LSS: variants seen among roughly 807,000 people sequenced by gnomAD.
LSS encodes lanosterol synthase, also known as 2,3-epoxysqualene-lanosterol cyclase.
LSS carries 90 observed loss-of-function variants against 110.3 expected under a neutral mutation model. The ratio of observed to expected loss-of-function variants is 0.82; its 90% confidence interval spans 0.69 to 0.97. The LOEUF (loss-of-function observed/expected upper bound fraction) is 0.97. LSS is among the 50% of genes least tolerant of loss of function. The pLI, the probability that LSS is intolerant of heterozygous loss-of-function variation, is 0.00. For missense variants in LSS, 927 were observed against 990.0 expected (o/e 0.94, Z 0.85); for synonymous variants, 433 against 400.0 (o/e 1.08, Z -0.98).
At chr21:46,196,827 G>A (rs564417805) in intron 17 of LSS, among the ~76,000 whole-genome samples, 78 of 152,364 alleles carry the variant, frequency 5.1e-4, no homozygotes, top group African/African-American at 1.8e-3. Flanking sequence ...CTCCCATGGT[G>A]CTAGCAGACT....
chr21:46,210,185 C>A (rs1025245097), intron 12 of LSS, among the ~76,000 whole-genome samples: 1 of 151,536 alleles, frequency 6.6e-6, no homozygotes, highest in Admixed American at 6.6e-5. Flanking sequence ...TCTGCCTCAG[C>A]CTCCCAAGTA....
chr21:46,199,631 G>C (rs992016478), intron 17 of LSS, among the ~76,000 whole-genome samples: 1 of 152,184 alleles, frequency 6.6e-6, no homozygotes, highest in South Asian at 2.1e-4. Flanking sequence ...TGAATAAACT[G>C]TGGTACATCC....
At chr21:46,228,013 A>T (rs1435746774) in intron 2 of LSS, among the ~76,000 whole-genome samples, 8 of 152,150 alleles carry the variant, frequency 5.3e-5, no homozygotes, top group Non-Finnish European at 4.4e-5. Context: ...GGGCCTCTCA[A>T]AGAGGGCCCA....
At chr21:46,192,241 C>T in intron 20 of LSS, 1 of 542,268 alleles carries the variant, frequency 1.8e-6, no homozygotes. Context: ...GGACGCCAAG[C>T]CTTGTTCCCA....
rs2277823 is a variant in LSS, at chr21:46,194,721, T to C, written c.1818-60A>G. 5,018 of 1,540,116 alleles carry C rather than the reference T, an allele frequency of 3.3e-3. 236 individuals carry two copies. In the East Asian group the frequency reaches 0.088, roughly 27 times the overall value. ...CAAGGAAGGTCCCAGACCCCTGGCT[T>C]CTCACCCCAGCAGGCTGCCTTGGGG... On this transcript the variant is annotated intron_variant, in intron 19 of 21. Transcript: ENST00000397728.
intron 20 of LSS, chr21:46,193,241 T>C (rs1439493031): frequency 2.7e-6 from 1 of 376,922 alleles, no homozygotes; most frequent in Admixed American, 2.8e-5. Context: ...TAGGTGCCTG[T>C]GCATGCGTAT....
At chr21:46,197,551 T>G (rs1002453931) in intron 17 of LSS, among the ~76,000 whole-genome samples, 20 of 152,150 alleles carry the variant, frequency 1.3e-4, no homozygotes, top group African/African-American at 4.3e-4. Flanking sequence ...AAGTGAAAAT[T>G]TCAGGCTCAC....
chr21:46,207,643 C>A, intron 14 of LSS, 66 bp from the exon 15 acceptor site: 1 of 1,523,318 alleles, frequency 6.6e-7, no homozygotes, highest in Non-Finnish European at 8.9e-7. Flanking sequence ...AACCTCCCCA[C>A]AGCCGCACGC....
At chr21:46,228,239 G>A (rs990271638) in intron 2 of LSS, among the ~76,000 whole-genome samples, 195 bp downstream of exon 2, 1 of 152,226 alleles carries the variant, frequency 6.6e-6, no homozygotes, top group Non-Finnish European at 1.5e-5. Context: ...AAAACATTAG[G>A]AGTCTCCTAT....
Position 46,195,899 on chromosome 21 carries a change from C to G in LSS, c.1737-143G>C, listed in dbSNP as rs1190047204. The G allele has an allele frequency of 4.3e-6, 3 of 698,932 alleles. No individual in the cohort carries two copies. The African/African-American group carries it at 5.2e-5, about 12-fold the overall frequency. 43.3% of individuals were successfully genotyped at this position (698,932 alleles called of 1,614,324 possible). A position where few individuals can be genotyped will look rare whatever the true frequency, so the allele number is the denominator to read the frequency against. The stretch of plus-strand genomic sequence containing the variant: ...CAGGCATTAAGGCCGTGGAAGACAG[C>G]AGCTCTGTCTGCTGGACCCTAAGAG... On this transcript the variant is annotated intron_variant, in intron 18 of 21. Coordinates refer to ENST00000397728, the MANE Select transcript of LSS (RefSeq NM_002340.6).
chr21:46,195,059 TC>T (rs1307859491), intron 19 of LSS, among the ~76,000 whole-genome samples: 1 of 151,596 alleles, frequency 6.6e-6, no homozygotes, highest in African/African-American at 2.4e-5. Context: ...TGGGAGAGAG[TC>T]CGGCGGCTGG....
chr21:46,220,092 A>G (rs1011004454), intron 5 of LSS, among the ~76,000 whole-genome samples: 3 of 152,186 alleles, frequency 2.0e-5, no homozygotes, highest in African/African-American at 7.2e-5. Flanking sequence ...CGCTGGCCCC[A>G]TGCCAGAGCC....
At chr21:46,206,807 C>A in intron 15 of LSS, 39 bp from the exon 16 acceptor site, 2 of 1,514,616 alleles carry the variant, frequency 1.3e-6, no homozygotes, top group Non-Finnish European at 1.8e-6. Flanking sequence ...CGCCCATGTG[C>A]TGAGCACACA....
At chr21:46,222,379 C>T (rs2080289348) in intron 4 of LSS, 2 of 558,406 alleles carry the variant, frequency 3.6e-6, no homozygotes, top group African/African-American at 1.9e-5. Context: ...AACAGACTGA[C>T]AGTTTTCACA....
intron 13 of LSS, 52 bp from the exon 14 acceptor site, chr21:46,208,353 C>A (rs1215347099): frequency 6.8e-7 from 1 of 1,462,676 alleles, no homozygotes; most frequent in South Asian, 1.2e-5. Flanking sequence ...CACCACGGGA[C>A]GTCCCCATCT....
chr21:46,227,412 T>C (rs2051614989), intron 3 of LSS, 140 bp downstream of exon 3: 8 of 1,034,878 alleles, frequency 7.7e-6, no homozygotes, highest in Admixed American at 2.6e-5. Context: ...GACTCTGACA[T>C]AGGGCAGAGT....
rs2079777216 is a variant in LSS at position 46,189,688 on chromosome 21, G to A, written c.*1416C>T. The A allele has an allele frequency of 2.2e-6, 1 of 456,658 alleles. No individual in the cohort carries two copies. Among genetic ancestry groups the A allele is most frequent in the South Asian group, 1.5e-5 (1 of 64,570 alleles). The allele number at this position is 456,658 out of a possible 1,614,324, so 28.3% of individuals were successfully genotyped here. ...CAGACGCAGATCTCCACTGCCTGAG[G>A]GAGAGTGATCAGCCAGGGGGAGAGG... On this transcript the variant is annotated 3_prime_UTR_variant, in exon 22 of 22. Transcript: ENST00000397728.
At chr21:46,221,187 GTGGA>G (rs2080275477) in intron 5 of LSS, among the ~76,000 whole-genome samples, 4 of 151,462 alleles carry the variant, frequency 2.6e-5, no homozygotes, top group African/African-American at 9.7e-5. Flanking sequence ...GCTTGGAGAG[GTGGA>G]CAGCCCCGGG....
intron 8 of LSS, 120 bp from the exon 9 acceptor site, chr21:46,215,418 A>G: frequency 3.8e-6 from 1 of 260,736 alleles, no homozygotes; most frequent in East Asian, 1.0e-4. Flanking sequence ...ACCCACCCCC[A>G]GGCCTGGTCT....
Sources: gnomAD v4.1 joint callset for allele counts (sites outside exome capture counted in the v4.1 genomes callset) on GRCh38, gnomAD v4.1.1 for gene constraint, MANE v1.5 for transcripts, NCBI Gene and HGNC (gene_info 2026-07-23, HGNC 2026-07-21) for gene names.